Variants in CENPU observed in about 807,000 individuals in gnomAD.
CENPU encodes the protein centromere protein U, also known as KSHV latent nuclear antigen interacting protein 1.
A neutral mutation model predicts 56.7 loss-of-function variants in CENPU; 46 were observed. The ratio of observed to expected loss-of-function variants is 0.81; its 90% confidence interval spans 0.64 to 1.04. The LOEUF (loss-of-function observed/expected upper bound fraction) is 1.04. Among genes scored for constraint, CENPU ranks in the 50% least tolerant of loss-of-function variants. CENPU has a pLI of 0.00. For missense variants in CENPU, 510 were observed against 490.1 expected (o/e 1.04, Z -0.38); for synonymous variants, 166 against 163.0 (o/e 1.02, Z -0.14).
At chr4:184,733,014 G>T (rs1761707818) in intron 1 of CENPU, among the ~76,000 whole-genome samples, 2 of 149,904 alleles carry the variant, frequency 1.3e-5, no homozygotes, top group South Asian at 4.2e-4. Flanking sequence ...AAATTCTGTT[G>T]TATGTGCGTA....
At position 184,697,760 on chromosome 4, in the gene CENPU, G is replaced by T; in HGVS notation, c.1030C>A (p.Leu344Ile). The T allele has an allele frequency of 6.2e-7, 1 of 1,610,636 alleles. No individual in the cohort carries two copies. The highest frequency in any genetic ancestry group is 1.1e-5 in the South Asian group (1 of 90,570). Residue 344 changes from leucine (L) to isoleucine (I), a missense_variant, in exon 12 of 13, where the codon CTT becomes ATT. Coordinates refer to ENST00000281453, the MANE Select transcript of CENPU (RefSeq NM_024629.4). Reference protein sequence around the residue: ...LKQLQTKYDELKERKSSLRNA... With the variant: ...LKQLQTKYDEIKERKSSLRNA... ...CTAAGGGAAGACTTTCTCTCTTTAA[G>T]TTCATCATATTTTGTTTGTAGTTGT...
chr4:184,723,515 A>G (rs1302584593), intron 4 of CENPU, among the ~76,000 whole-genome samples: 1 of 152,168 alleles, frequency 6.6e-6, no homozygotes. Context: ...CACGTTTTCC[A>G]AATGTATGAC....
At chr4:184,717,459 T>C (rs775947830) in intron 4 of CENPU, among the ~76,000 whole-genome samples, 2 of 152,164 alleles carry the variant, frequency 1.3e-5, no homozygotes, top group East Asian at 3.8e-4. Context: ...ACTGCACTTT[T>C]CTCCAAGTTA....
chr4:184,713,870 TG>T (rs1416420208), intron 6 of CENPU: 2 of 152,172 alleles, frequency 1.3e-5, no homozygotes, highest in East Asian at 3.9e-4. Flanking sequence ...GAGAGGCACC[TG>T]GAATAAGCTG....
intron 8 of CENPU, 134 bp from the exon 9 acceptor site, chr4:184,702,575 CTTATTT>C: frequency 1.8e-6 from 1 of 560,836 alleles, no homozygotes; most frequent in Non-Finnish European, 3.0e-6. Flanking sequence ...TCTTTAATCT[CTTATTT>C]TTAATAATCT....
In CENPU at chr4:184,694,628, C is replaced by T; in HGVS notation, c.*660G>A. The stretch of plus-strand genomic sequence containing the variant: ...CTGTCAACAGGTGCATCTGCTGATG[C>T]TGTCTGGGATAATGGCATTGATGAT... On this transcript the variant is annotated 3_prime_UTR_variant, in exon 13 of 13. Transcript: ENST00000281453. The T allele has an allele frequency of 6.2e-7, 1 of 1,614,142 alleles. No homozygotes were observed. Among genetic ancestry groups the T allele is most frequent in the Non-Finnish European group, 8.5e-7 (1 of 1,179,988 alleles).
intron 8 of CENPU, 62 bp downstream of exon 8, chr4:184,710,010 G>A: frequency 1.2e-6 from 1 of 821,842 alleles, no homozygotes; most frequent in South Asian, 2.0e-5. Context: ...TGTAGGATGA[G>A]CAAAAATGGT....
At chr4:184,731,707 T>C (rs1359693200) in intron 1 of CENPU, among the ~76,000 whole-genome samples, 2 of 152,152 alleles carry the variant, frequency 1.3e-5, no homozygotes, top group Non-Finnish European at 2.9e-5. Context: ...CAGTACATAA[T>C]TAGACTTTAA....
intron 4 of CENPU, among the ~76,000 whole-genome samples, chr4:184,723,317 T>C (rs1315630115): frequency 6.6e-6 from 1 of 152,112 alleles, no homozygotes; most frequent in East Asian, 1.9e-4. Flanking sequence ...CACCAAGAAA[T>C]TCTGGAAGGA....
intron 11 of CENPU, among the ~76,000 whole-genome samples, chr4:184,699,063 C>A (rs1186496295): frequency 6.6e-6 from 1 of 152,030 alleles, no homozygotes; most frequent in Non-Finnish European, 1.5e-5. Flanking sequence ...CGCGGTGGCT[C>A]ACACCTGTAA....
rs551184112 is a variant in CENPU, at chr4:184,694,899, TTTTG to T, written c.*385_*388del. On this transcript the variant is annotated 3_prime_UTR_variant, in exon 13 of 13. Transcript: ENST00000281453. ...AAGTTTTATTACTTTGCTTTCCAAT[TTTTG>T]TTTTTTACTTCTGTAAACCAATTTC... The T allele has an allele frequency of 4.6e-4, 425 of 933,296 alleles. 4 individuals are homozygous for T. The East Asian group carries it at 9.1e-3, about 20-fold the overall frequency. The allele number at this position is 933,296 out of a possible 1,614,324, so 57.8% of individuals were successfully genotyped here. A position where few individuals can be genotyped will look rare whatever the true frequency, so the allele number is the denominator to read the frequency against.
In CENPU at chr4:184,715,085, C is replaced by A. The variant is rs1356811919; in HGVS notation, c.618+1312G>T. ...AATTAAAAAAATTCATATTTGTTTA[C>A]ATGTACAAAAGGAAATTTGAAGGAT... On this transcript the variant is annotated intron_variant, in intron 6 of 12. Transcript: ENST00000281453. Among the ~76,000 whole-genome samples the A allele has an allele frequency of 2.0e-5, 3 of 152,106 alleles. No homozygotes were observed. The East Asian group carries it at 5.8e-4, about 29-fold the overall frequency.
chr4:184,694,559 G>A lies in CENPU; in HGVS notation c.*729C>T. The A allele has an allele frequency of 6.2e-7, 1 of 1,613,964 alleles. No individual in the cohort carries two copies. Among genetic ancestry groups the A allele is most frequent in the Non-Finnish European group, 8.5e-7 (1 of 1,179,896 alleles). ...ACAACAGATGAAGCAGATGAAACTA[G>A]GAGCAATGAAACCCAGAATCCTCAT... On this transcript the variant is annotated 3_prime_UTR_variant, in exon 13 of 13. Transcript: ENST00000281453.
In CENPU at chr4:184,694,118, A is replaced by G. The variant is rs1759849102; in HGVS notation, c.*1170T>C. 1 of 554,650 alleles carries G rather than the reference A, an allele frequency of 1.8e-6. No homozygotes were observed. The highest frequency in any genetic ancestry group is 2.3e-6 in the Non-Finnish European group (1 of 436,876). 34.4% of individuals were successfully genotyped at this position (554,650 alleles called of 1,614,324 possible). A position where few individuals can be genotyped will look rare whatever the true frequency, so the allele number is the denominator to read the frequency against. Reference sequence around the variant, plus strand: ...ACTGTTTTTAATCTTTTTTCAATCCATGTTTACGATTTGCTAAATACTTTA... The same window carrying G: ...ACTGTTTTTAATCTTTTTTCAATCCGTGTTTACGATTTGCTAAATACTTTA... On this transcript the variant is annotated 3_prime_UTR_variant, in exon 13 of 13. Coordinates refer to ENST00000281453, the MANE Select transcript of CENPU (RefSeq NM_024629.4).
chr4:184,713,410 T>G (rs532786820), intron 6 of CENPU, among the ~76,000 whole-genome samples: 101 of 152,222 alleles, frequency 6.6e-4, no homozygotes, highest in Non-Finnish European at 1.2e-3. Flanking sequence ...AAAAAAAACT[T>G]TAGCTACAAT....
chr4:184,700,908 A>C, intron 10 of CENPU, 27 bp from the exon 11 acceptor site: 1 of 1,579,582 alleles, frequency 6.3e-7, no homozygotes, highest in South Asian at 1.1e-5. Flanking sequence ...TTTGTGTTAA[A>C]ATTAATTTGT....
At chr4:184,719,723 CAA>C (rs1761211220) in intron 4 of CENPU, among the ~76,000 whole-genome samples, 1 of 152,146 alleles carries the variant, frequency 6.6e-6, no homozygotes, top group Non-Finnish European at 1.5e-5. Context: ...CCCATGGCTC[CAA>C]AAGAGACCCC....
In CENPU at chr4:184,695,299, C is replaced by T; in HGVS notation, c.1246G>A (p.Asp416Asn). 2 of 1,612,188 alleles carry T rather than the reference C, an allele frequency of 1.2e-6. No homozygotes were observed. The highest frequency in any genetic ancestry group is 1.7e-6 in the Non-Finnish European group (2 of 1,178,434). The stretch of plus-strand genomic sequence containing the variant: ...GTAGACTGCTCTTCTCATCCCTGGT[C>T]AAGGAGCTTCTCTAACTGATGGTTG... ...NINHQLEKLL[D>N]QG The change falls in exon 13 of 13, where the codon GAC becomes AAC. Residue 416 changes from aspartate (D) to asparagine (N), a missense_variant. Physicochemically the swap from Asp to Asn is conservative, Grantham distance 23. Coordinates refer to ENST00000281453, the MANE Select transcript of CENPU (RefSeq NM_024629.4).
intron 1 of CENPU, among the ~76,000 whole-genome samples, chr4:184,732,474 G>A (rs963399088): frequency 6.6e-6 from 1 of 152,114 alleles, no homozygotes; most frequent in East Asian, 1.9e-4. Context: ...TTGGTTTTAT[G>A]GCAATTTTAT....
Sources: gnomAD v4.1 joint callset for allele counts (sites outside exome capture counted in the v4.1 genomes callset) on GRCh38, gnomAD v4.1.1 for gene constraint, MANE v1.5 for transcripts, NCBI Gene and HGNC (gene_info 2026-07-23, HGNC 2026-07-21) for gene names.